ZYG11A: variants seen among roughly 807,000 people sequenced by gnomAD.
The protein encoded by ZYG11A is zyg-11 family member A, cell cycle regulator.
Under a neutral mutation model 77.2 loss-of-function variants are expected in ZYG11A, and 62 were observed. The observed-to-expected ratio is 0.80, with a 90% confidence interval of 0.65 to 0.99. ZYG11A has a LOEUF of 0.99. ZYG11A is among the 50% of genes least tolerant of loss of function. The pLI is 0.00. For missense variants in ZYG11A, 828 were observed against 896.8 expected (o/e 0.92, Z 0.98); for synonymous variants, 315 against 324.6 (o/e 0.97, Z 0.32).
Position 52,893,252 on chromosome 1 carries a change from G to T in ZYG11A, c.*295G>T. 3.6e-6 allele frequency: 1 copy of T among 277,834 alleles called. No individual in the cohort carries two copies. Among genetic ancestry groups the T allele is most frequent in the South Asian group, 6.3e-5 (1 of 15,826 alleles). The allele number at this position is 277,834 out of a possible 1,614,324, so 17.2% of individuals were successfully genotyped here. ...TGCAAGTTACTTTTCTCTAGCCTTG[G>T]ACAATTTTTTCCCTTTGGGAGCTTG... On this transcript the variant is annotated 3_prime_UTR_variant, in exon 14 of 14. Transcript: ENST00000371528.
chr1:52,890,029 C>T (rs996575465), intron 13 of ZYG11A, among the ~76,000 whole-genome samples: 1 of 146,592 alleles, frequency 6.8e-6, no homozygotes, highest in East Asian at 2.0e-4. Flanking sequence ...TGCTGAATAC[C>T]ATTTTCTTTG....
Position 52,893,128 on chromosome 1 carries a change from C to G in ZYG11A, c.*171C>G. On this transcript the variant is annotated 3_prime_UTR_variant, in exon 14 of 14. Transcript: ENST00000371528. ...TGGATTTGTATGATAGCTGTAATCC[C>G]AAGTCAAGTTGGACTCATTCTGCAG... is the stretch of plus-strand genomic sequence containing the variant. 3.2e-6 allele frequency: 2 copies of G among 624,064 alleles called. No individual in the cohort carries two copies. The highest frequency in any genetic ancestry group is 5.4e-6 in the Non-Finnish European group (2 of 373,798). The allele number at this position is 624,064 out of a possible 1,614,324, so 38.7% of individuals were successfully genotyped here.
At chr1:52,883,106 AATTTT>A (rs1210145136) in intron 11 of ZYG11A, among the ~76,000 whole-genome samples, 1 of 151,662 alleles carries the variant, frequency 6.6e-6, no homozygotes, top group African/African-American at 2.4e-5. Flanking sequence ...GATAATTTTA[AATTTT>A]ATTTTATTTT....
rs577232431 is a variant in ZYG11A, at chr1:52,854,568, C to T, written c.194C>T (p.Pro65Leu). The T allele has an allele frequency of 5.6e-5, 87 of 1,550,392 alleles. No individual in the cohort carries two copies. Among genetic ancestry groups the T allele is most frequent in the South Asian group, 4.7e-4 (39 of 83,668 alleles). Residue 65 changes from proline to leucine, a missense_variant, in exon 2 of 14, where the codon CCG becomes CTG. Transcript: ENST00000371528. ...SERPDGTLCL[P>L]EHWSFPQEVA... Reference sequence around the variant, plus strand: ...AGACCTGATGGAACACTGTGCCTTCCGGAGCATTGGAGTTTCCCTCAGGAA... The same window carrying T: ...AGACCTGATGGAACACTGTGCCTTCTGGAGCATTGGAGTTTCCCTCAGGAA...
intron 1 of ZYG11A, among the ~76,000 whole-genome samples, chr1:52,849,655 A>C (rs1222441613): frequency 1.3e-5 from 2 of 148,722 alleles, no homozygotes; most frequent in Non-Finnish European, 3.0e-5. Context: ...GGCGTGAACC[A>C]CTGTGCTGGC....
intron 1 of ZYG11A, 40 bp downstream of exon 1, chr1:52,843,013 C>T (rs1319695532): frequency 1.4e-6 from 2 of 1,478,400 alleles, no homozygotes; most frequent in African/African-American, 2.9e-5. Flanking sequence ...GACCTCGGCG[C>T]CACGTCCAGC....
At chr1:52,871,945 T>C (rs1646175437) in intron 8 of ZYG11A, among the ~76,000 whole-genome samples, 1 of 152,246 alleles carries the variant, frequency 6.6e-6, no homozygotes, top group South Asian at 2.1e-4. Context: ...TTCAAGTGTT[T>C]GTCATTTGCA....
chr1:52,849,013 T>G (rs969488087), intron 1 of ZYG11A, among the ~76,000 whole-genome samples: 6 of 152,214 alleles, frequency 3.9e-5, no homozygotes, highest in African/African-American at 1.2e-4. Context: ...GACGTTGTCC[T>G]TATTATTTTT....
chr1:52,864,272 G>GAGAGAC, intron 5 of ZYG11A, 115 bp downstream of exon 5: 5 of 1,057,824 alleles, frequency 4.7e-6, no homozygotes, highest in African/African-American at 1.6e-5. Flanking sequence ...TAAAGACAGA[G>GAGAGAC]TCTCTCTCTG....
chr1:52,856,870 C>A, intron 2 of ZYG11A, 128 bp from the exon 3 acceptor site: 2 of 986,820 alleles, frequency 2.0e-6, no homozygotes, highest in Non-Finnish European at 2.9e-6. Context: ...TAGAACAATG[C>A]TAGCACAGAG....
At chr1:52,858,491 G>C (rs1485349162) in intron 3 of ZYG11A, among the ~76,000 whole-genome samples, 2 of 151,232 alleles carry the variant, frequency 1.3e-5, no homozygotes, top group Non-Finnish European at 1.5e-5. Flanking sequence ...TTTTAGTAGA[G>C]ACGGGGTTTC....
chr1:52,855,356 A>G lies in ZYG11A; in HGVS notation c.256+726A>G, dbSNP rs185831538. ...ATGTGAGTCACCATGTCCGGTCATA[A>G]TTTTTGTATTTTTAGTAGAGATGGG... On this transcript the variant is annotated intron_variant, in intron 2 of 13. Coordinates refer to ENST00000371528, the MANE Select transcript of ZYG11A (RefSeq NM_001004339.3). Among the ~76,000 whole-genome samples the G allele has an allele frequency of 5.7e-3, 866 of 151,894 alleles. 8 individuals are homozygous for G. The highest frequency in any genetic ancestry group is 8.7e-3 in the Non-Finnish European group (594 of 67,960).
At position 52,857,300 on chromosome 1, in the gene ZYG11A, A is replaced by G. The variant is rs955818308; in HGVS notation, c.559A>G (p.Ser187Gly). The change falls in exon 3 of 14, where the codon AGT (serine) becomes GGT (glycine). Residue 187 changes from serine to glycine, a missense_variant. Transcript: ENST00000371528. ...TCAGCTCACTGGTCTTCGCATTTTA[A>G]GTGTTTTTAATGTTTGTTTTCATAC... is the stretch of plus-strand genomic sequence containing the variant. The part of the protein sequence containing the change: ...FSQLTGLRIL[S>G]VFNVCFHTED... 4.5e-6 allele frequency: 7 copies of G among 1,552,026 alleles called. No individual in the cohort carries two copies. Among genetic ancestry groups the G allele is most frequent in the Middle Eastern group, 1.7e-4 (1 of 5,994 alleles).
chr1:52,865,891 A>G (rs1646016360), intron 5 of ZYG11A, among the ~76,000 whole-genome samples: 1 of 151,790 alleles, frequency 6.6e-6, no homozygotes, highest in Non-Finnish European at 1.5e-5. Context: ...ACAGGGGTAT[A>G]AATTTGTGAA....
rs991015627 is a variant in ZYG11A at position 52,864,034 on chromosome 1, A to G, written c.1203A>G (p.Thr401=). The change falls in exon 5 of 14, where the codon ACA becomes ACG. Residue 401 remains threonine (T), a synonymous_variant. Coordinates refer to ENST00000371528, the MANE Select transcript of ZYG11A (RefSeq NM_001004339.3). ...CATTGGATTTGCGAGTGCAGTTCAC[A>G]GCCAGTGCTTGCGCTCTCAACCTAA... is the stretch of plus-strand genomic sequence containing the variant. ...NHPLDLRVQF[T]ASACALNLTR... is the part of the protein sequence containing the mutation. 4.4e-5 allele frequency: 69 copies of G among 1,551,672 alleles called. No individual in the cohort carries two copies. In the East Asian group the frequency reaches 1.7e-3, roughly 37 times the overall value.
Position 52,893,412 on chromosome 1 carries a change from G to A in ZYG11A, c.*455G>A, listed in dbSNP as rs533670349. The A allele has an allele frequency of 1.9e-5, 3 of 156,700 alleles. No individual in the cohort carries two copies. Among genetic ancestry groups the A allele is most frequent in the East Asian group, 1.9e-4 (1 of 5,330 alleles). The allele number at this position is 156,700 out of a possible 1,614,324, so 9.7% of individuals were successfully genotyped here. ...GCTTGGGAAGCATATGCTTCAAAATGTAGTGTTTAGAAGGCAGAACCCCTG... is the reference window on the plus strand; with the variant it reads ...GCTTGGGAAGCATATGCTTCAAAATATAGTGTTTAGAAGGCAGAACCCCTG... On this transcript the variant is annotated 3_prime_UTR_variant, in exon 14 of 14. Transcript: ENST00000371528.
At chr1:52,847,883 T>TATTTA (rs1222682445) in intron 1 of ZYG11A, among the ~76,000 whole-genome samples, 9 of 43,412 alleles carry the variant, frequency 2.1e-4, no homozygotes, top group African/African-American at 3.6e-4. Context: ...TTTATTTATT[T>TATTTA]TTTTGAGATG....
chr1:52,846,310 T>TTTTATA, intron 1 of ZYG11A, among the ~76,000 whole-genome samples: 1 of 35,802 alleles, frequency 2.8e-5, no homozygotes, highest in East Asian at 2.8e-4. Flanking sequence ...TTTTAAATTT[T>TTTTATA]TATATATATA....
chr1:52,869,950 C>CCGGCCGG (rs1646115695), intron 8 of ZYG11A, among the ~76,000 whole-genome samples: 1 of 143,078 alleles, frequency 7.0e-6, no homozygotes, highest in Non-Finnish European at 1.5e-5. Context: ...GGTGGCTGGC[C>CCGGCCGG]GGGCGGGGGG....
Sources: allele counts gnomAD v4.1 joint callset (sites outside exome capture counted in the v4.1 genomes callset), GRCh38; gene constraint gnomAD v4.1.1; transcripts MANE v1.5; gene names NCBI Gene and HGNC (gene_info 2026-07-23, HGNC 2026-07-21).